CACNB2: variants seen among roughly 807,000 people sequenced by gnomAD.
CACNB2 encodes the protein calcium voltage-gated channel auxiliary subunit beta 2.
CACNB2 carries 42 observed loss-of-function variants against 73.3 expected under a neutral mutation model. The observed-to-expected ratio is 0.57, with a 90% CI of 0.45 to 0.74. The LOEUF is 0.74. Ranked by LOEUF, CACNB2 falls within the 30% of genes least tolerant of loss-of-function variation. The pLI is 0.00. For missense variants in CACNB2, 940 were observed against 853.0 expected, an observed-to-expected ratio of 1.10 and a Z score of -1.27; for synonymous variants, 348 against 310.3, an observed-to-expected ratio of 1.12 and a Z score of -1.28.
intron 3 of CACNB2, among the ~76,000 whole-genome samples, chr10:18,440,174 G>C (rs2046343352): frequency 1.3e-5 from 2 of 152,064 alleles, no homozygotes; most frequent in Non-Finnish European, 1.5e-5. Flanking sequence ...GGATGGACAG[G>C]CTCCTTCAAT....
At chr10:18,483,328 A>T (rs1418363888) in intron 3 of CACNB2, among the ~76,000 whole-genome samples, 3 of 151,914 alleles carry the variant, frequency 2.0e-5, no homozygotes, top group African/African-American at 4.8e-5. Context: ...GTCAGGAGGT[A>T]GAGACCAGCC....
chr10:18,302,014 A>T (rs1564418325), intron 2 of CACNB2, among the ~76,000 whole-genome samples: 1 of 152,040 alleles, frequency 6.6e-6, no homozygotes, highest in Non-Finnish European at 1.5e-5. Context: ...AAATAACCCA[A>T]ATTATGCATT....
rs547897077 is a variant in CACNB2, at chr10:18,526,747, T to A, written c.945-841T>A. ...TGTTCTTTCCACAACAATCATCATC[T>A]TTAATTATTTTCCTTTATTATTTAT... On this transcript the variant is annotated intron_variant, in intron 9 of 13. Coordinates refer to ENST00000324631, the MANE Select transcript of CACNB2 (RefSeq NM_201596.3). 5.3e-5 allele frequency among the ~76,000 whole-genome samples: 8 copies of A among 152,344 alleles called. No individual in the cohort carries two copies. In the South Asian group the frequency reaches 1.7e-3, roughly 32 times the overall value.
At chr10:18,434,620 C>T (rs541889649) in intron 3 of CACNB2, among the ~76,000 whole-genome samples, 6 of 152,128 alleles carry the variant, frequency 3.9e-5, no homozygotes, top group Non-Finnish European at 7.4e-5. Context: ...AGGCTGGTCT[C>T]GAACTTCTGG....
At position 18,425,550 on chromosome 10, in the gene CACNB2, C is replaced by T. The variant is rs1040689877; in HGVS notation, c.333+23507C>T. 9.9e-5 allele frequency among the ~76,000 whole-genome samples: 15 copies of T among 152,066 alleles called. 1 individual carries two copies. Among genetic ancestry groups the T allele is most frequent in the Admixed American group, 9.2e-4 (14 of 15,246 alleles). The stretch of plus-strand genomic sequence containing the variant: ...GCCAATGGTGACAGACACCACTGGT[C>T]CCAGCTACTTGGGAGGCTGAGTTGG... On this transcript the variant is annotated intron_variant, in intron 3 of 13. Coordinates refer to ENST00000324631, the MANE Select transcript of CACNB2 (RefSeq NM_201596.3).
intron 2 of CACNB2, among the ~76,000 whole-genome samples, chr10:18,289,284 G>GGTTTTT (rs2038947883): frequency 2.3e-5 from 2 of 85,568 alleles, no homozygotes; most frequent in African/African-American, 1.2e-4. Context: ...TTTTTTTCTT[G>GGTTTTT]TTTTTTTGTT....
At chr10:18,353,147 C>T (rs1460040875) in intron 2 of CACNB2, among the ~76,000 whole-genome samples, 1 of 152,138 alleles carries the variant, frequency 6.6e-6, no homozygotes, top group Non-Finnish European at 1.5e-5. Context: ...TGCGGTGGCT[C>T]ATGCCTGTAA....
At chr10:18,514,905 A>G (rs1045333784) in intron 7 of CACNB2, 1 of 947,078 alleles carries the variant, frequency 1.1e-6, no homozygotes, top group Admixed American at 1.8e-5. Flanking sequence ...TATGATATCC[A>G]GATACATAGC....
In CACNB2 at chr10:18,177,019, A is replaced by C. The variant is rs531033387; in HGVS notation, c.213+26044A>C. ...GGTACCCTCCACATTTTAGGTAGTG[A>C]CTGAGGGAAAGTGTTGTTTTCACTG... is the stretch of plus-strand genomic sequence containing the variant. On this transcript the variant is annotated intron_variant, in intron 2 of 13. Transcript: ENST00000324631. Among the ~76,000 whole-genome samples the C allele has an allele frequency of 2.0e-5, 3 of 152,154 alleles. No individual in the cohort carries two copies. The South Asian group carries it at 6.2e-4, about 32-fold the overall frequency.
chr10:18,449,851 G>A (rs1415038826), intron 3 of CACNB2, among the ~76,000 whole-genome samples: 1 of 152,210 alleles, frequency 6.6e-6, no homozygotes, highest in African/African-American at 2.4e-5. Context: ...ATGCAGGCCA[G>A]TTACAGCAGA....
chr10:18,525,029 TAA>T (rs35445837), intron 9 of CACNB2, among the ~76,000 whole-genome samples: 6 of 108,256 alleles, frequency 5.5e-5, no homozygotes, highest in African/African-American at 7.0e-5. Flanking sequence ...AGATGCTGTC[TAA>T]AAAAAAAAAA....
intron 3 of CACNB2, among the ~76,000 whole-genome samples, chr10:18,493,857 G>C (rs1017006470): frequency 4.6e-5 from 7 of 152,148 alleles, no homozygotes; most frequent in African/African-American, 1.4e-4. Context: ...GGCCTCTTTG[G>C]TTTAGCATCC....
intron 2 of CACNB2, among the ~76,000 whole-genome samples, chr10:18,349,089 C>T (rs941585561): frequency 1.3e-5 from 2 of 152,200 alleles, no homozygotes; most frequent in African/African-American, 4.8e-5. Context: ...TTCTGCACTC[C>T]AGCCCGAGTG....
chr10:18,523,379 T>G (rs1318506329), intron 9 of CACNB2, among the ~76,000 whole-genome samples: 1 of 152,230 alleles, frequency 6.6e-6, no homozygotes, highest in African/African-American at 2.4e-5. Context: ...GGAAGACACA[T>G]TCCAGCCAGA....
intron 2 of CACNB2, among the ~76,000 whole-genome samples, chr10:18,252,420 T>C (rs920434078): frequency 1.3e-5 from 2 of 152,220 alleles, no homozygotes; most frequent in Non-Finnish European, 2.9e-5. Flanking sequence ...ACTTTTTGAG[T>C]TGGCTGCTCG....
intron 2 of CACNB2, among the ~76,000 whole-genome samples, chr10:18,351,547 C>G (rs548528666): frequency 6.6e-6 from 1 of 152,240 alleles, no homozygotes; most frequent in African/African-American, 2.4e-5. Context: ...TTGTTGAAAA[C>G]ACATGTTATT....
chr10:18,514,543 T>C (rs2051088983), intron 7 of CACNB2, 174 bp downstream of exon 7: 1 of 1,613,556 alleles, frequency 6.2e-7, no homozygotes, highest in Admixed American at 1.7e-5. Flanking sequence ...AAGTTTACAT[T>C]GACATAAGCT....
chr10:18,511,087 C>A (rs972651255), intron 6 of CACNB2, among the ~76,000 whole-genome samples: 2 of 152,072 alleles, frequency 1.3e-5, no homozygotes, highest in African/African-American at 2.4e-5. Flanking sequence ...CTGGATAAAG[C>A]CCTAGGCACA....
rs1404893445 is a variant in CACNB2, at chr10:18,171,199, G to A, written c.213+20224G>A. ...AGTCCTGTCTTCTGCCAGGCATTAG[G>A]GTCTCTTCTAGCATGTTTCACTCAA... On this transcript the variant is annotated intron_variant, in intron 2 of 13. Coordinates refer to ENST00000324631, the MANE Select transcript of CACNB2 (RefSeq NM_201596.3). Among the ~76,000 whole-genome samples the A allele has an allele frequency of 2.6e-5, 4 of 152,158 alleles. No individual in the cohort carries two copies. The East Asian group carries it at 7.7e-4, about 29-fold the overall frequency.
Sources: gnomAD v4.1 joint callset for allele counts (sites outside exome capture counted in the v4.1 genomes callset) on GRCh38, gnomAD v4.1.1 for gene constraint, MANE v1.5 for transcripts, NCBI Gene and HGNC (gene_info 2026-07-23, HGNC 2026-07-21) for gene names.